CATSPERE: variants seen among roughly 807,000 people sequenced by gnomAD.
The protein encoded by CATSPERE is cation channel sperm-associated auxiliary subunit epsilon.
Under a neutral mutation model 114.1 loss-of-function variants are expected in CATSPERE, and 93 were observed. That is an observed-to-expected ratio of 0.81 (90% CI 0.69 to 0.97). The LOEUF (loss-of-function observed/expected upper bound fraction) is 0.97, where lower values mean the gene tolerates loss of function less well. CATSPERE is among the 50% of genes least tolerant of loss of function. The pLI, the probability that CATSPERE is intolerant of heterozygous loss-of-function variation, is 0.00. For missense variants in CATSPERE, 1,058 were observed against 1,131.6 expected (o/e 0.93, Z 0.93); for synonymous variants, 341 against 384.1 (o/e 0.89, Z 1.31).
At position 244,552,705 on chromosome 1, in the gene CATSPERE, TAAAG is replaced by T. The variant is rs1434272554; in HGVS notation, c.922_925del (p.Lys308ValfsTer6). 13 of 1,614,088 alleles carry T rather than the reference TAAAG, an allele frequency of 8.1e-6. No individual in the cohort carries two copies. Among genetic ancestry groups the T allele is most frequent in the Non-Finnish European group, 1.1e-5 (13 of 1,179,958 alleles). ...TTTCTTATAAATGGTGTTCTTTACA[TAAAG>T]AGTTTTCGTGGATTTATAAGACTGG... On this transcript the variant is annotated frameshift_variant, in exon 9 of 22. Transcript: ENST00000366534. LOFTEE classifies it high-confidence loss of function.
chr1:244,616,548 T>C (rs78670706), intron 19 of CATSPERE, among the ~76,000 whole-genome samples: 1 of 152,194 alleles, frequency 6.6e-6, no homozygotes, highest in East Asian at 1.9e-4. Flanking sequence ...TGCTGCATCA[T>C]CAGATGGCAG....
intron 6 of CATSPERE, among the ~76,000 whole-genome samples, 191 bp from the exon 7 acceptor site, chr1:244,498,811 T>C (rs913433631): frequency 5.3e-5 from 8 of 151,972 alleles, no homozygotes; most frequent in African/African-American, 1.9e-4. Flanking sequence ...GGCAGGAGAA[T>C]TGCTTGAACC....
chr1:244,561,682 G>T (rs948819595), intron 10 of CATSPERE, among the ~76,000 whole-genome samples: 1 of 148,510 alleles, frequency 6.7e-6, no homozygotes, highest in Non-Finnish European at 1.5e-5. Flanking sequence ...GACAAAGTTA[G>T]AATCATACAT....
chr1:244,584,745 C>T (rs1191915384), intron 13 of CATSPERE, among the ~76,000 whole-genome samples: 2 of 152,034 alleles, frequency 1.3e-5, no homozygotes, highest in Non-Finnish European at 2.9e-5. Context: ...ATTCAGAACC[C>T]AAGCATGAGG....
chr1:244,581,311 AT>A (rs1666142532), intron 11 of CATSPERE, among the ~76,000 whole-genome samples: 1 of 152,124 alleles, frequency 6.6e-6, no homozygotes, highest in African/African-American at 2.4e-5. Context: ...ATCCTTAGGC[AT>A]TTTACTGTTG....
chr1:244,585,231 A>G (rs550456905), intron 13 of CATSPERE, among the ~76,000 whole-genome samples: 251 of 152,320 alleles, frequency 1.6e-3, no homozygotes, highest in Non-Finnish European at 2.8e-3. Context: ...AAAATGTACC[A>G]TCTATCTTAT....
chr1:244,582,401 C>A (rs1219547554), intron 12 of CATSPERE, among the ~76,000 whole-genome samples: 3 of 49,014 alleles, frequency 6.1e-5, no homozygotes, highest in African/African-American at 2.7e-4. Flanking sequence ...TTTCTTTTTT[C>A]TTTTTCTTTT....
Position 244,461,388 on chromosome 1 carries a change from CGGGAG to C in CATSPERE, c.-41_-37del. The C allele has an allele frequency of 7.5e-7, 1 of 1,329,860 alleles. No homozygotes were observed. The highest frequency in any genetic ancestry group is 2.3e-4 in the Middle Eastern group (1 of 4,416). The allele number at this position is 1,329,860 out of a possible 1,614,324, so 82.4% of individuals were successfully genotyped here. A position where few individuals can be genotyped will look rare whatever the true frequency, so the allele number is the denominator to read the frequency against. On this transcript the variant is annotated 5_prime_UTR_variant, in exon 1 of 22. Transcript: ENST00000366534. ...CCCACGGGAATGCGCGAGGCCTGGA[CGGGAG>C]TGGCCGAGGCGGTTGGGCGGAGGCG...
intron 12 of CATSPERE, 115 bp from the exon 13 acceptor site, chr1:244,583,749 G>T: frequency 1.2e-6 from 1 of 801,550 alleles, no homozygotes; most frequent in East Asian, 2.7e-5. Flanking sequence ...TCTAGAAATT[G>T]GCGTGGGAGG....
chr1:244,544,900 A>G (rs997499724), intron 8 of CATSPERE, among the ~76,000 whole-genome samples: 4 of 152,178 alleles, frequency 2.6e-5, no homozygotes, highest in Non-Finnish European at 5.9e-5. Context: ...ATCCCTGTCT[A>G]TGAGGCCCAA....
At chr1:244,535,268 T>C (rs529125957) in intron 8 of CATSPERE, among the ~76,000 whole-genome samples, 1 of 152,232 alleles carries the variant, frequency 6.6e-6, no homozygotes, top group African/African-American at 2.4e-5. Context: ...GGCTACCACC[T>C]ATGTTCACTC....
chr1:244,623,089 T>TA (rs1558614424), intron 20 of CATSPERE, among the ~76,000 whole-genome samples: 1 of 151,916 alleles, frequency 6.6e-6, no homozygotes, highest in Non-Finnish European at 1.5e-5. Context: ...TTTATTTATT[T>TA]TGAGACTGAG....
chr1:244,498,677 C>T (rs1311400576), intron 6 of CATSPERE, among the ~76,000 whole-genome samples: 1 of 152,160 alleles, frequency 6.6e-6, no homozygotes, highest in African/African-American at 2.4e-5. Flanking sequence ...GCAGGCAGAT[C>T]ACCTGAGGTC....
Position 244,552,642 on chromosome 1 carries a change from G to T in CATSPERE, c.857G>T (p.Ser286Ile). 2 of 1,614,152 alleles carry T rather than the reference G, an allele frequency of 1.2e-6. No homozygotes were observed. The highest frequency in any genetic ancestry group is 1.1e-5 in the South Asian group (1 of 91,080). ...PDILSDDERR[S>I]VAHVILSRDG... ...ATTCTGAGTGATGATGAAAGACGGA[G>T]TGTGGCTCATGTGATCTTATCGCGG... Residue 286 changes from serine (S) to isoleucine (I), a missense_variant, in exon 9 of 22, where the codon AGT (serine) becomes ATT (isoleucine). Coordinates refer to ENST00000366534, the MANE Select transcript of CATSPERE (RefSeq NM_001130957.2).
At chr1:244,461,672 T>C (rs2148061370) in intron 1 of CATSPERE, among the ~76,000 whole-genome samples, 178 bp downstream of exon 1, 1 of 152,178 alleles carries the variant, frequency 6.6e-6, no homozygotes, top group African/African-American at 2.4e-5. Context: ...ACCCGAGAGT[T>C]TTCCATGAGC....
intron 2 of CATSPERE, among the ~76,000 whole-genome samples, chr1:244,468,346 C>G (rs1558311336): frequency 6.6e-6 from 1 of 152,098 alleles, no homozygotes; most frequent in Non-Finnish European, 1.5e-5. Context: ...CCCAGCTTGG[C>G]CTCCCAAAGT....
At chr1:244,511,304 G>A (rs1265832655) in intron 7 of CATSPERE, among the ~76,000 whole-genome samples, 1 of 152,066 alleles carries the variant, frequency 6.6e-6, no homozygotes, top group Non-Finnish European at 1.5e-5. Context: ...CTCCATTTGT[G>A]TGGAATAACT....
chr1:244,608,823 T>G (rs992324143), intron 18 of CATSPERE, among the ~76,000 whole-genome samples: 4 of 152,262 alleles, frequency 2.6e-5, no homozygotes, highest in African/African-American at 9.6e-5. Flanking sequence ...TTTCCCAGTA[T>G]TATTTCTGCT....
intron 5 of CATSPERE, among the ~76,000 whole-genome samples, chr1:244,485,578 T>C (rs1670863209): frequency 1.3e-5 from 2 of 152,300 alleles, no homozygotes; most frequent in Middle Eastern, 3.4e-3. Context: ...CCTTCCTGAC[T>C]CTTAAAATCT....
Sources: gnomAD v4.1 joint callset for allele counts (sites outside exome capture counted in the v4.1 genomes callset) on GRCh38, gnomAD v4.1.1 for gene constraint, MANE v1.5 for transcripts, NCBI Gene and HGNC (gene_info 2026-07-23, HGNC 2026-07-21) for gene names.